IQCK: variants seen among roughly 807,000 people sequenced by gnomAD.
IQCK encodes the protein IQ domain-containing protein K.
In IQCK, 29 loss-of-function variants were observed where a neutral mutation model predicts 28.1. The observed-to-expected ratio is 1.03, with a 90% CI of 0.77 to 1.41. The LOEUF (loss-of-function observed/expected upper bound fraction) is 1.41. Ranked by LOEUF, IQCK falls within the 40% of genes most tolerant of loss-of-function variation. IQCK has a pLI of 0.00. For missense variants in IQCK, 359 were observed against 314.7 expected, an observed-to-expected ratio of 1.14 and a Z score of -1.07; for synonymous variants, 113 against 115.1, an observed-to-expected ratio of 0.98 and a Z score of 0.12.
At chr16:19,830,991 A>G (rs997938792), downstream of IQCK, among the ~76,000 whole-genome samples, 2 of 152,246 alleles carry the variant, frequency 1.3e-5, no homozygotes, top group Non-Finnish European at 2.9e-5. Context: ...TGTCTTATTC[A>G]TCATGAGCCT....
At chr16:19,831,674 C>T (rs1217906813), downstream of IQCK, among the ~76,000 whole-genome samples, 1 of 151,252 alleles carries the variant, frequency 6.6e-6, no homozygotes, top group East Asian at 1.9e-4. Flanking sequence ...AAAAAAAAAG[C>T]TCATCTATGT....
chr16:19,842,726 A>G (rs559098256), intron 9 of IQCK, among the ~76,000 whole-genome samples: 30 of 152,326 alleles, frequency 2.0e-4, no homozygotes, highest in African/African-American at 7.0e-4. Flanking sequence ...CTTAAACGCT[A>G]TAGTTAGCAT....
intron 7 of IQCK, among the ~76,000 whole-genome samples, chr16:19,818,220 A>G (rs1019259191): frequency 3.3e-5 from 5 of 152,148 alleles, no homozygotes; most frequent in Non-Finnish European, 4.4e-5. Flanking sequence ...TCTTATGAGC[A>G]TGAGACTTTA....
At chr16:19,803,991 A>C (rs1272328078) in intron 7 of IQCK, among the ~76,000 whole-genome samples, 3 of 152,196 alleles carry the variant, frequency 2.0e-5, no homozygotes, top group Non-Finnish European at 2.9e-5. Flanking sequence ...TAAACTGTAG[A>C]TGCAGAAATG....
intron 4 of IQCK, among the ~76,000 whole-genome samples, chr16:19,756,638 G>A (rs1245517069): frequency 6.6e-6 from 1 of 152,160 alleles, no homozygotes; most frequent in African/African-American, 2.4e-5. Context: ...TGTAATCCCA[G>A]CACTTTGGGA....
At chr16:19,804,977 C>T (rs1451086916) in intron 7 of IQCK, among the ~76,000 whole-genome samples, 1 of 152,096 alleles carries the variant, frequency 6.6e-6, no homozygotes, top group Non-Finnish European at 1.5e-5. Context: ...CATTGTTGGT[C>T]TGCTTTCCCC....
chr16:19,741,443 A>G (rs1360783899), intron 4 of IQCK, among the ~76,000 whole-genome samples: 1 of 152,196 alleles, frequency 6.6e-6, no homozygotes, highest in African/African-American at 2.4e-5. Context: ...GGGGCTAGAA[A>G]CAGTTTCCAG....
chr16:19,743,726 C>G (rs982719537), intron 4 of IQCK, among the ~76,000 whole-genome samples: 5 of 152,230 alleles, frequency 3.3e-5, no homozygotes, highest in African/African-American at 1.2e-4. Context: ...GACCACTGCT[C>G]CACTCTGATG....
chr16:19,735,279 A>G (rs988258235), intron 3 of IQCK, 74 bp from the exon 4 acceptor site: 13 of 1,033,890 alleles, frequency 1.3e-5, no homozygotes, highest in Admixed American at 7.2e-5. Flanking sequence ...TTCTGGCTCA[A>G]AAGTAAACAT....
chr16:19,727,373 G>T (rs1597496064), intron 1 of IQCK, among the ~76,000 whole-genome samples: 1 of 152,144 alleles, frequency 6.6e-6, no homozygotes, highest in Middle Eastern at 3.4e-3. Flanking sequence ...GATTGCCTGA[G>T]CTTAGGAGTT....
chr16:19,837,415 A>G (rs1002082775), intron 9 of IQCK, among the ~76,000 whole-genome samples: 2 of 152,166 alleles, frequency 1.3e-5, no homozygotes, highest in Non-Finnish European at 2.9e-5. Context: ...AAATAAAAAT[A>G]AAAAGATTGG....
chr16:19,855,117 C>T (rs1240204290), intron 9 of IQCK, among the ~76,000 whole-genome samples: 1 of 152,112 alleles, frequency 6.6e-6, no homozygotes, highest in Non-Finnish European at 1.5e-5. Context: ...TTTGAACTGC[C>T]TTCTTGTTTG....
chr16:19,774,864 T>G lies in IQCK; in HGVS notation c.605+10752T>G, dbSNP rs149156566. ...AAGTATATGTGTACTTAATTTATGC[T>G]AATTCAATGATATGCTTTTGAGAAG... On this transcript the variant is annotated intron_variant, in intron 6 of 7. Transcript: ENST00000564186. 1.3e-4 allele frequency among the ~76,000 whole-genome samples: 20 copies of G among 152,306 alleles called. No individual in the cohort carries two copies. In the East Asian group the frequency reaches 3.9e-3, roughly 29 times the overall value.
rs115298914 is a variant in IQCK at position 19,805,455 on chromosome 16, C to T, written c.690+16533C>T. Among the ~76,000 whole-genome samples the T allele has an allele frequency of 9.6e-3, 1,462 of 152,290 alleles. 27 individuals are homozygous for T. The highest frequency in any genetic ancestry group is 0.034 in the African/African-American group (1,393 of 41,554). On this transcript the variant is annotated intron_variant, in intron 7 of 7. Coordinates refer to ENST00000564186, the Ensembl canonical transcript of IQCK. ...TAATTATTGAGTGCTTACAATGTGG[C>T]AGGCAGGCATTGTTCTGGATGCTAG... is the stretch of plus-strand genomic sequence containing the variant.
chr16:19,750,721 C>T (rs906746023), intron 4 of IQCK, among the ~76,000 whole-genome samples: 1 of 152,118 alleles, frequency 6.6e-6, no homozygotes, highest in African/African-American at 2.4e-5. Flanking sequence ...CTTGGCCTCC[C>T]AAAGTGCCGG....
intron 6 of IQCK, among the ~76,000 whole-genome samples, chr16:19,764,865 T>C (rs2151711422): frequency 6.7e-6 from 1 of 149,600 alleles, no homozygotes; most frequent in East Asian, 2.0e-4. Flanking sequence ...AATTTTTTTT[T>C]TTTTTTTGTA....
chr16:19,737,679 C>G (rs1223445246), intron 4 of IQCK, among the ~76,000 whole-genome samples: 1 of 152,104 alleles, frequency 6.6e-6, no homozygotes, highest in Admixed American at 6.6e-5. Flanking sequence ...GCTTTCAAGG[C>G]TCTGCCTAGT....
chr16:19,840,217 G>A (rs867891569), intron 9 of IQCK, among the ~76,000 whole-genome samples: 1 of 152,072 alleles, frequency 6.6e-6, no homozygotes, highest in Non-Finnish European at 1.5e-5. Context: ...TTAGCTAGGT[G>A]TGGTGGCAGG....
intron 7 of IQCK, among the ~76,000 whole-genome samples, chr16:19,820,678 T>A (rs2141081361): frequency 6.6e-6 from 1 of 151,862 alleles, no homozygotes; most frequent in South Asian, 2.1e-4. Context: ...TAAATTTGAT[T>A]TTATCAAAAT....
Sources: allele counts gnomAD v4.1 joint callset (sites outside exome capture counted in the v4.1 genomes callset), GRCh38; gene constraint gnomAD v4.1.1; transcripts MANE v1.5; gene names NCBI Gene and HGNC (gene_info 2026-07-23, HGNC 2026-07-21).